The following LHCGR variants were observed in gnomAD, a reference collection of about 807,000 sequenced individuals.
LHCGR encodes the protein lutropin-choriogonadotropic hormone receptor.
LHCGR carries 55 observed loss-of-function variants against 60.7 expected under a neutral mutation model. That is an observed-to-expected ratio of 0.91 (90% CI 0.73 to 1.13). The LOEUF (loss-of-function observed/expected upper bound fraction) is 1.13. LHCGR is among the 50% of genes most tolerant of loss of function. The pLI, the probability that LHCGR is intolerant of heterozygous loss-of-function variation, is 0.00. For synonymous variants in LHCGR, 337 were observed against 316.5 expected (o/e 1.06, Z -0.69); for missense variants, 862 against 836.0 (o/e 1.03, Z -0.38).
chr2:48,721,589 A>C (rs2104448086), intron 6 of LHCGR: 1 of 401,892 alleles, frequency 2.5e-6, no homozygotes, highest in Admixed American at 3.1e-5. Context: ...ACAAAGTAAA[A>C]GTACTATACA....
intron 1 of LHCGR, among the ~76,000 whole-genome samples, chr2:48,743,306 C>T (rs1405529321): frequency 6.6e-6 from 1 of 151,876 alleles, no homozygotes; most frequent in East Asian, 1.9e-4. Context: ...CTATTCCAAT[C>T]AATAGAAAAA....
intron 8 of LHCGR, among the ~76,000 whole-genome samples, chr2:48,700,582 G>A (rs898232545): frequency 1.3e-5 from 2 of 152,190 alleles, no homozygotes; most frequent in African/African-American, 2.4e-5. Flanking sequence ...TTTTGCACCT[G>A]AGCCAGAGGC....
At chr2:48,699,085 A>G (rs1008443647) in intron 8 of LHCGR, among the ~76,000 whole-genome samples, 1 of 152,010 alleles carries the variant, frequency 6.6e-6, no homozygotes, top group Admixed American at 6.5e-5. Flanking sequence ...CGGCCCCTCA[A>G]AGTGCTGGGA....
intron 9 of LHCGR, among the ~76,000 whole-genome samples, 161 bp from the exon 10 acceptor site, chr2:48,694,465 T>A (rs1400655021): frequency 6.6e-6 from 1 of 152,086 alleles, no homozygotes; most frequent in East Asian, 1.9e-4. Flanking sequence ...GAGGAGAGAG[T>A]AAAGGCTTCT....
At chr2:48,726,423 G>A (rs1392986831) in intron 3 of LHCGR, among the ~76,000 whole-genome samples, 2 of 152,168 alleles carry the variant, frequency 1.3e-5, no homozygotes, top group Non-Finnish European at 2.9e-5. Context: ...AACAGGTAGA[G>A]ATAATATGAG....
At chr2:48,738,460 C>G (rs1435289460) in intron 1 of LHCGR, among the ~76,000 whole-genome samples, 1 of 152,206 alleles carries the variant, frequency 6.6e-6, no homozygotes, top group Non-Finnish European at 1.5e-5. Context: ...TTTCCCCTGA[C>G]CAATCTAGAT....
chr2:48,732,047 A>G (rs996553668), intron 1 of LHCGR, among the ~76,000 whole-genome samples: 2 of 152,254 alleles, frequency 1.3e-5, no homozygotes, highest in African/African-American at 4.8e-5. Context: ...CTTGAAATTG[A>G]AATAAAATCT....
Position 48,707,290 on chromosome 2 carries a change from C to T in LHCGR, c.680+1658G>A, listed in dbSNP as rs185611175. 2.4e-3 allele frequency among the ~76,000 whole-genome samples: 367 copies of T among 152,324 alleles called. 2 individuals carry two copies. Among genetic ancestry groups the T allele is most frequent in the African/African-American group, 8.4e-3 (350 of 41,572 alleles). On this transcript the variant is annotated intron_variant, in intron 8 of 10. Coordinates refer to ENST00000294954, the MANE Select transcript of LHCGR (RefSeq NM_000233.4). Reference sequence around the variant, plus strand: ...AAGCTTTGTTCCAGAGGGGCACCTGCCAGATGCTGGCCAGAGCTCTCCTGT... The same window carrying T: ...AAGCTTTGTTCCAGAGGGGCACCTGTCAGATGCTGGCCAGAGCTCTCCTGT...
intron 1 of LHCGR, among the ~76,000 whole-genome samples, chr2:48,749,698 T>A (rs1669866736): frequency 6.8e-6 from 1 of 147,122 alleles, no homozygotes; most frequent in Non-Finnish European, 1.5e-5. Context: ...CCTGAATTAA[T>A]CTGATTTACT....
rs1428494767 is a variant in LHCGR at position 48,687,480 on chromosome 2, C to T, written c.*217G>A. ...ATTTCTATAAAAATTTCTAAACACT[C>T]TCAACTTCAGTATTTATGCCATGTA... On this transcript the variant is annotated 3_prime_UTR_variant, in exon 11 of 11. Transcript: ENST00000294954. 2 of 462,726 alleles carry T rather than the reference C, an allele frequency of 4.3e-6. No homozygotes were observed. Among genetic ancestry groups the T allele is most frequent in the African/African-American group, 3.9e-5 (2 of 51,080 alleles). 28.7% of individuals were successfully genotyped at this position (462,726 alleles called of 1,614,324 possible).
intron 1 of LHCGR, among the ~76,000 whole-genome samples, chr2:48,748,312 G>T (rs907140572): frequency 6.6e-6 from 1 of 152,130 alleles, no homozygotes; most frequent in East Asian, 1.9e-4. Flanking sequence ...TCACCTGAAG[G>T]CTTTCTGTGT....
intron 1 of LHCGR, among the ~76,000 whole-genome samples, chr2:48,754,489 T>A (rs1374053163): frequency 2.0e-5 from 3 of 152,086 alleles, no homozygotes; most frequent in Non-Finnish European, 2.9e-5. Context: ...CACAGCTGTA[T>A]TGAGATGTAA....
Position 48,755,616 on chromosome 2 carries a change from G to GACTGCA in LHCGR, c.55_56insTGCAGT (p.Pro19delinsLeuGlnSer). The GACTGCA allele has an allele frequency of 6.5e-7, 1 of 1,532,452 alleles. No homozygotes were observed. The allele number at this position is 1,532,452 out of a possible 1,614,324, so 94.9% of individuals were successfully genotyped here. ...CTCGCGCAGCGCTCGTGGCAGCGGCGGCTGCAGCAGCAGCAGCAGCTTCAG... is the reference window on the plus strand; with the variant it reads ...CTCGCGCAGCGCTCGTGGCAGCGGCGACTGCAGCTGCAGCAGCAGCAGCAGCTTCAG... On this transcript the variant is annotated protein_altering_variant, in exon 1 of 11. Transcript: ENST00000294954.
At chr2:48,754,985 C>T (rs756540368) in intron 1 of LHCGR, among the ~76,000 whole-genome samples, 1 of 152,060 alleles carries the variant, frequency 6.6e-6, no homozygotes, top group Non-Finnish European at 1.5e-5. Context: ...GGTGGAGCAG[C>T]GGCTTGTGTG....
intron 1 of LHCGR, among the ~76,000 whole-genome samples, chr2:48,753,638 T>G (rs1396495304): frequency 6.6e-6 from 1 of 152,146 alleles, no homozygotes; most frequent in Non-Finnish European, 1.5e-5. Context: ...AAAAATTTAC[T>G]TCAGCCTTTT....
At chr2:48,716,407 TGTTCTA>T (rs1163459187) in intron 6 of LHCGR, among the ~76,000 whole-genome samples, 1 of 152,228 alleles carries the variant, frequency 6.6e-6, no homozygotes, top group African/African-American at 2.4e-5. Context: ...TGCCAGGCAC[TGTTCTA>T]GATACAGGAG....
chr2:48,709,385 G>A (rs1294941014), intron 7 of LHCGR, among the ~76,000 whole-genome samples: 4 of 152,222 alleles, frequency 2.6e-5, no homozygotes, highest in African/African-American at 9.6e-5. Context: ...CTGAAGTGCA[G>A]CCTACTCTTT....
chr2:48,693,724 C>G (rs1297911044), intron 10 of LHCGR, among the ~76,000 whole-genome samples: 4 of 152,220 alleles, frequency 2.6e-5, no homozygotes, highest in Non-Finnish European at 4.4e-5. Context: ...GTCAGTAAAA[C>G]AGAGATGTAG....
intron 1 of LHCGR, chr2:48,732,899 C>T (rs552582459): frequency 1.9e-6 from 1 of 534,380 alleles, no homozygotes; most frequent in Admixed American, 1.9e-5. Context: ...GAAGGCATTC[C>T]CAAGAAGGAC....
Sources: gnomAD v4.1 joint callset for allele counts (sites outside exome capture counted in the v4.1 genomes callset) on GRCh38, gnomAD v4.1.1 for gene constraint, MANE v1.5 for transcripts, NCBI Gene and HGNC (gene_info 2026-07-23, HGNC 2026-07-21) for gene names.